The following RBM12B variants were observed in gnomAD, a reference collection of about 807,000 sequenced individuals.
RBM12B encodes RNA binding motif protein 12B.
RBM12B carries 10 observed loss-of-function variants against 34.3 expected under a neutral mutation model. That is an observed-to-expected ratio of 0.29 (90% CI 0.18 to 0.49). The LOEUF is 0.49. RBM12B is among the 20% of genes least tolerant of loss of function. The pLI, the probability that RBM12B is intolerant of heterozygous loss-of-function variation, is 0.99. For synonymous variants in RBM12B, 477 were observed against 437.1 expected (o/e 1.09, Z -1.14); for missense variants, 1,139 against 1,262.7 (o/e 0.90, Z 1.48).
In RBM12B at chr8:93,734,569, A is replaced by G. The variant is rs1274312860; in HGVS notation, c.1842T>C (p.Pro614=). The G allele has an allele frequency of 6.2e-7, 1 of 1,608,160 alleles. No homozygotes were observed. Among genetic ancestry groups the G allele is most frequent in the African/African-American group, 1.4e-5 (1 of 72,732 alleles). Residue 614 remains proline, a synonymous_variant, in exon 4 of 4, where the codon CCT becomes CCC. Transcript: ENST00000520560. ...RRPPEDDFRH[P]REEDWRRPLE... is the part of the protein sequence containing the mutation. ...GGGGCCTCCTCCAGTCCTCCTCCCT[A>G]GGGTGCCTGAAGTCATCCTCCGGAG...
In RBM12B at chr8:93,736,348, G is replaced by C. The variant is rs370178151; in HGVS notation, c.63C>G (p.His21Gln). The C allele has an allele frequency of 7.4e-6, 12 of 1,613,160 alleles. No individual in the cohort carries two copies. Among genetic ancestry groups the C allele is most frequent in the Non-Finnish European group, 9.3e-6 (11 of 1,179,916 alleles). ...CAGGAATAGTCAATCCCGTGAAGAA[G>C]TGACGAATATCCACAGGCCCCGCAA... ...PFIAGPVDIR[H>Q]FFTGLTIPDG... Residue 21 changes from histidine (H) to glutamine (Q), a missense_variant, in exon 4 of 4, where the codon CAC becomes CAG. Around this residue, in one of 3 missense-constraint regions of RBM12B, gnomAD observed 216 missense variants for 292.2 expected, o/e 0.74. Coordinates refer to ENST00000520560, the MANE Select transcript of RBM12B (RefSeq NM_001377960.1).
At position 93,730,486 on chromosome 8, in the gene RBM12B, T is replaced by C. The variant is rs1042268349; in HGVS notation, c.*2919A>G. On this transcript the variant is annotated 3_prime_UTR_variant, in exon 4 of 4. Coordinates refer to ENST00000520560, the MANE Select transcript of RBM12B (RefSeq NM_001377960.1). Reference sequence around the variant, plus strand: ...GAATACACCTCCAGTGTACCTGGTATACCTTGAGGATAGGAGAGGAAAAAC... The same window carrying C: ...GAATACACCTCCAGTGTACCTGGTACACCTTGAGGATAGGAGAGGAAAAAC... The C allele has an allele frequency of 1.3e-5, 2 of 152,224 alleles. No homozygotes were observed. Among genetic ancestry groups the C allele is most frequent in the South Asian group, 4.1e-4 (2 of 4,832 alleles). 9.4% of individuals were successfully genotyped at this position (152,224 alleles called of 1,614,324 possible).
chr8:93,734,478 G>A lies in RBM12B; in HGVS notation c.1933C>T (p.Gln645Ter), dbSNP rs762946813. Reference protein sequence around the residue: ...FRRSPTEDFRQLPEEDFRQPP... With the variant: ...FRRSPTEDFR ...TGCCTGAAGTCCTCCTCGGGGAGCT[G>A]CCTGAAGTCCTCCGTGGGAGACCGC... is the stretch of plus-strand genomic sequence containing the variant. Residue 645 changes from glutamine to a stop codon, truncating the protein, a stop_gained, in exon 4 of 4, where the codon CAG (glutamine) becomes TAG (stop). Coordinates refer to ENST00000520560, the MANE Select transcript of RBM12B (RefSeq NM_001377960.1). LOFTEE classifies it high-confidence loss of function. The A allele has an allele frequency of 9.3e-6, 15 of 1,607,158 alleles. No homozygotes were observed. The highest frequency in any genetic ancestry group is 1.3e-5 in the Non-Finnish European group (15 of 1,176,130).
chr8:93,737,887 A>G (rs906515316), intron 2 of RBM12B, among the ~76,000 whole-genome samples: 1 of 151,996 alleles, frequency 6.6e-6, no homozygotes, highest in Non-Finnish European at 1.5e-5. Context: ...TTTATATCCA[A>G]CTCTCGTGCT....
chr8:93,740,848 G>A, intron 1 of RBM12B, 33 bp downstream of exon 1: 2 of 333,286 alleles, frequency 6.0e-6, no homozygotes, highest in Non-Finnish European at 1.2e-5. Context: ...CGCCCCGAGG[G>A]GAACTGCTTC....
rs1356532447 is a variant in RBM12B at position 93,734,325 on chromosome 8, C to T, written c.2086G>A (p.Glu696Lys). 5 of 1,612,724 alleles carry T rather than the reference C, an allele frequency of 3.1e-6. No homozygotes were observed. Among genetic ancestry groups the T allele is most frequent in the South Asian group, 2.2e-5 (2 of 91,006 alleles). ...TCTGGGGGCCGCCTGAAGTCATCCT[C>T]GGGTGGTCGCCTCCATTCTCCCTGA... ...PLQGEWRRPP[E>K]DDFRRPPEED... Residue 696 changes from glutamate to lysine, a missense_variant, in exon 4 of 4, where the codon GAG (glutamate) becomes AAG (lysine). This residue lies in a region of RBM12B where 863 missense variants were observed against 869.5 expected (regional missense o/e 0.99). Transcript: ENST00000520560.
At position 93,736,197 on chromosome 8, in the gene RBM12B, A is replaced by G; in HGVS notation, c.214T>C (p.Phe72Leu). Residue 72 changes from phenylalanine (F) to leucine (L), a missense_variant, in exon 4 of 4, where the codon TTT (phenylalanine) becomes CTT (leucine). By Grantham distance (22) the Phe-to-Leu change is conservative. Transcript: ENST00000520560. The part of the protein sequence containing the change: ...GFIKDSSVEL[F>L]LSSKAEMQKT... Reference sequence around the variant, plus strand: ...TGCATTTCTGCCTTGCTACTAAGAAAGAGCTCTACAGATGAATCCTTGATA... The same window carrying G: ...TGCATTTCTGCCTTGCTACTAAGAAGGAGCTCTACAGATGAATCCTTGATA... The G allele has an allele frequency of 6.2e-7, 1 of 1,614,156 alleles. No homozygotes were observed. Among genetic ancestry groups the G allele is most frequent in the Non-Finnish European group, 8.5e-7 (1 of 1,180,026 alleles).
intron 2 of RBM12B, 72 bp downstream of exon 2, chr8:93,740,557 C>G (rs1205645356): frequency 2.2e-6 from 1 of 456,114 alleles, no homozygotes; most frequent in South Asian, 1.5e-5. Context: ...CCTTCTCAAG[C>G]CTAACGAGCT....
rs775372843 is a variant in RBM12B at position 93,735,819 on chromosome 8, T to C, written c.592A>G (p.Ile198Val). Residue 198 changes from isoleucine (I) to valine (V), a missense_variant, in exon 4 of 4, where the codon ATA becomes GTA. Coordinates refer to ENST00000520560, the MANE Select transcript of RBM12B (RefSeq NM_001377960.1). ...TCAACACATGAAGCAAATTTTACTA[T>C]GGCATCACCATTATTTCGGCCATCA... is the stretch of plus-strand genomic sequence containing the variant. ...HHDGRNNGDA[I>V]VKFASCVDAS... The C allele has an allele frequency of 5.0e-6, 8 of 1,614,118 alleles. No individual in the cohort carries two copies. Among genetic ancestry groups the C allele is most frequent in the South Asian group, 3.3e-5 (3 of 91,076 alleles).
chr8:93,740,249 C>A (rs1182006996), intron 2 of RBM12B: 1 of 453,780 alleles, frequency 2.2e-6, no homozygotes, highest in Non-Finnish European at 4.5e-6. Flanking sequence ...GAAGACGAAT[C>A]CACATGGCAC....
Position 93,732,757 on chromosome 8 carries a change from T to C in RBM12B, c.*648A>G, listed in dbSNP as rs534625933. ...GAGCTGCAATTCTTTTTTCTTTTTA[T>C]ACAAATACAAGTTAATTAGCTCTAT... On this transcript the variant is annotated 3_prime_UTR_variant, in exon 4 of 4. Transcript: ENST00000520560. The C allele has an allele frequency of 6.6e-6, 1 of 152,336 alleles. No homozygotes were observed. Among genetic ancestry groups the C allele is most frequent in the Non-Finnish European group, 1.5e-5 (1 of 68,018 alleles). 9.4% of individuals were successfully genotyped at this position (152,336 alleles called of 1,614,324 possible).
rs1413327984 is a variant in RBM12B, at chr8:93,735,598, T to C, written c.813A>G (p.Lys271=). Residue 271 remains lysine (K), a synonymous_variant, in exon 4 of 4, where the codon AAA becomes AAG. Transcript: ENST00000520560. The part of the protein sequence containing the change: ...DRHFRKRSHS[K]SPRRTRSRSP... ...AACGAGAACGTGTTCTTCTGGGAGA[T>C]TTTGAATGAGACCGTTTTCGAAAAT... 1 of 1,614,118 alleles carries C rather than the reference T, an allele frequency of 6.2e-7. No individual in the cohort carries two copies. Among genetic ancestry groups the C allele is most frequent in the South Asian group, 1.1e-5 (1 of 91,080 alleles).
rs953212366 is a variant in RBM12B, at chr8:93,729,807, C to G, written c.*3598G>C. 1 of 152,264 alleles carries G rather than the reference C, an allele frequency of 6.6e-6. No individual in the cohort carries two copies. Among genetic ancestry groups the G allele is most frequent in the African/African-American group, 2.4e-5 (1 of 41,546 alleles). The allele number at this position is 152,264 out of a possible 1,614,324, so 9.4% of individuals were successfully genotyped here. A position where few individuals can be genotyped will look rare whatever the true frequency, so the allele number is the denominator to read the frequency against. ...AAAAAATGTGAAAAACCATTCCTAGCTTCCACTACAACAACAACAAAAAAC... is the reference window on the plus strand; with the variant it reads ...AAAAAATGTGAAAAACCATTCCTAGGTTCCACTACAACAACAACAAAAAAC... On this transcript the variant is annotated 3_prime_UTR_variant, in exon 4 of 4. Coordinates refer to ENST00000520560, the MANE Select transcript of RBM12B (RefSeq NM_001377960.1).
At position 93,740,935 on chromosome 8, in the gene RBM12B, A is replaced by G. The variant is rs1812191473; in HGVS notation, c.-200T>C. On this transcript the variant is annotated 5_prime_UTR_variant, in exon 1 of 4. Coordinates refer to ENST00000520560, the MANE Select transcript of RBM12B (RefSeq NM_001377960.1). ...GGAGGCTGAGGGAACTCTTCGTCGC[A>G]GCAGCCTCCCCAAAACAGGTAGACC... 1 of 226,680 alleles carries G rather than the reference A, an allele frequency of 4.4e-6. No homozygotes were observed. Among genetic ancestry groups the G allele is most frequent in the South Asian group, 5.2e-5 (1 of 19,300 alleles). The allele number at this position is 226,680 out of a possible 1,614,324, so 14.0% of individuals were successfully genotyped here. A position where few individuals can be genotyped will look rare whatever the true frequency, so the allele number is the denominator to read the frequency against.
In RBM12B at chr8:93,733,264, C is replaced by T. The variant is rs1347129320; in HGVS notation, c.*141G>A. The T allele has an allele frequency of 1.9e-6, 1 of 536,946 alleles. No homozygotes were observed. The highest frequency in any genetic ancestry group is 2.9e-6 in the Non-Finnish European group (1 of 347,354). The allele number at this position is 536,946 out of a possible 1,614,324, so 33.3% of individuals were successfully genotyped here. ...AAAAGAAAACCAGATTCACATTCTA[C>T]TATTTACATTTGTTCTATTCACAGG... On this transcript the variant is annotated 3_prime_UTR_variant, in exon 4 of 4. Transcript: ENST00000520560.
intron 2 of RBM12B, 40 bp downstream of exon 2, chr8:93,740,589 C>T (rs1389896263): frequency 2.2e-6 from 1 of 449,896 alleles, no homozygotes; most frequent in African/African-American, 2.0e-5. Context: ...GCTTTTCTGC[C>T]ACCACTGACT....
rs141421727 is a variant in RBM12B at position 93,735,874 on chromosome 8, G to A, written c.537C>T (p.Cys179=). The change falls in exon 4 of 4, where the codon TGC becomes TGT. Residue 179 remains cysteine, a synonymous_variant. Coordinates refer to ENST00000520560, the MANE Select transcript of RBM12B (RefSeq NM_001377960.1). ...DDVRVFFSGL[C]VDGVIFLKHH... ...GTTTTAAGAAAATTACTCCATCCAC[G>A]CACAAACCAGAGAAAAAGACACGTA... The A allele has an allele frequency of 7.5e-5, 121 of 1,613,838 alleles. No individual in the cohort carries two copies. The highest frequency in any genetic ancestry group is 3.3e-4 in the African/African-American group (25 of 75,004).
chr8:93,733,842 C>T lies in RBM12B; in HGVS notation c.2569G>A (p.Glu857Lys), dbSNP rs113066818. Residue 857 changes from glutamate to lysine, a missense_variant, in exon 4 of 4, where the codon GAG (glutamate) becomes AAG (lysine). By Grantham distance (56) the Glu-to-Lys change is moderately conservative. Transcript: ENST00000520560. ...AAATTGTCAGGAAGTCTAGGGTCCT[C>T]CTCCGGAGCTTCCCTAAGGTCTTCC... ...PEEDLREAPE[E>K]DPRLPDNFRP... The T allele has an allele frequency of 6.2e-7, 1 of 1,614,166 alleles. No individual in the cohort carries two copies. The highest frequency in any genetic ancestry group is 8.5e-7 in the Non-Finnish European group (1 of 1,180,018).
In RBM12B at chr8:93,728,243, AGAT is replaced by A. The variant is rs535253041; in HGVS notation, c.*5159_*5161del. On this transcript the variant is annotated 3_prime_UTR_variant, in exon 4 of 4. Coordinates refer to ENST00000520560, the MANE Select transcript of RBM12B (RefSeq NM_001377960.1). Reference sequence around the variant, plus strand: ...GACTAAGAAAGGATCAACAAGCAGAAGATGATGAGGATGACGAGTTAGATGTTA... The same window carrying A: ...GACTAAGAAAGGATCAACAAGCAGAAGATGAGGATGACGAGTTAGATGTTA... 1.0e-4 allele frequency: 165 copies of A among 1,600,038 alleles called. No homozygotes were observed. In the African/African-American group the frequency reaches 1.8e-3, roughly 18 times the overall value.
Sources: allele counts gnomAD v4.1 joint callset (sites outside exome capture counted in the v4.1 genomes callset), GRCh38; gene constraint gnomAD v4.1.1; regional missense constraint gnomAD v4.1.1; transcripts MANE v1.5; gene names NCBI Gene and HGNC (gene_info 2026-07-23, HGNC 2026-07-21).